FSTL4: variants seen among roughly 807,000 people sequenced by gnomAD.
The protein encoded by FSTL4 is follistatin like 4.
Under a neutral mutation model 78.2 loss-of-function variants are expected in FSTL4, and 28 were observed. The observed-to-expected ratio is 0.36, with a 90% CI of 0.27 to 0.49. The LOEUF is 0.49. Among genes scored for constraint, FSTL4 ranks in the 20% least tolerant of loss-of-function variants. The probability of loss-of-function intolerance (pLI) is 0.98; values close to 1 mark genes in which losing one functional copy is unlikely to be tolerated. For missense variants in FSTL4, 922 were observed against 1,084.9 expected (o/e 0.85, Z 2.11); for synonymous variants, 422 against 440.5 (o/e 0.96, Z 0.53).
At chr5:133,794,728 C>T in the FSTL4 span, among the ~76,000 whole-genome samples, 1 of 152,176 alleles carries the variant, frequency 6.6e-6, no homozygotes, top group Non-Finnish European at 1.5e-5. Flanking sequence ...AAGTACTTGC[C>T]TAATGACTGC....
At chr5:133,328,791 T>C (rs1754274532) in intron 4 of FSTL4, among the ~76,000 whole-genome samples, 1 of 151,864 alleles carries the variant, frequency 6.6e-6, no homozygotes, top group Non-Finnish European at 1.5e-5. Flanking sequence ...GATATGGGAG[T>C]GTGGGTGCCT....
the FSTL4 span, among the ~76,000 whole-genome samples, chr5:133,682,930 C>G: frequency 6.6e-6 from 1 of 151,970 alleles, no homozygotes; most frequent in African/African-American, 2.4e-5. Context: ...ACAGTTACCC[C>G]GCAAGATTTG....
the FSTL4 span, among the ~76,000 whole-genome samples, chr5:133,619,978 A>G: frequency 1.3e-5 from 2 of 152,214 alleles, no homozygotes; most frequent in Non-Finnish European, 2.9e-5. Context: ...CATTACAGAT[A>G]AGTTCCATTT....
At chr5:133,821,553 G>A in the FSTL4 span, among the ~76,000 whole-genome samples, 1 of 152,206 alleles carries the variant, frequency 6.6e-6, no homozygotes, top group African/African-American at 2.4e-5. Context: ...AGAAACAGTG[G>A]GAACAAGAGT....
At chr5:133,749,481 C>T in the FSTL4 span, among the ~76,000 whole-genome samples, 4 of 152,202 alleles carry the variant, frequency 2.6e-5, no homozygotes, top group Admixed American at 6.5e-5. Context: ...CATTTGCTCC[C>T]GCAGCTGAAC....
the FSTL4 span, among the ~76,000 whole-genome samples, chr5:133,731,241 C>CTG: frequency 6.6e-6 from 1 of 152,116 alleles, no homozygotes; most frequent in Non-Finnish European, 1.5e-5. Context: ...CCCATTCGTA[C>CTG]TGTGGTCTGG....
chr5:133,769,315 A>G, the FSTL4 span, among the ~76,000 whole-genome samples: 2 of 152,222 alleles, frequency 1.3e-5, no homozygotes, highest in African/African-American at 2.4e-5. Flanking sequence ...ATTTTCCAGA[A>G]TCATTTATAA....
intron 4 of FSTL4, among the ~76,000 whole-genome samples, chr5:133,354,582 G>A (rs1395876799): frequency 1.3e-5 from 2 of 152,194 alleles, no homozygotes; most frequent in African/African-American, 2.4e-5. Context: ...ATGAGACCAC[G>A]TAAGCTCCTT....
intron 3 of FSTL4, among the ~76,000 whole-genome samples, chr5:133,535,847 G>A (rs1160290706): frequency 2.0e-5 from 3 of 152,206 alleles, no homozygotes; most frequent in African/African-American, 7.2e-5. Context: ...TTCTTTGGTG[G>A]ACTGAAGGAA....
the FSTL4 span, among the ~76,000 whole-genome samples, chr5:133,652,591 C>T: frequency 6.6e-6 from 1 of 151,992 alleles, no homozygotes; most frequent in Non-Finnish European, 1.5e-5. Flanking sequence ...TTACTTTTTG[C>T]TTGCTTTAAT....
At chr5:133,466,949 C>T (rs555847128) in intron 3 of FSTL4, among the ~76,000 whole-genome samples, 21 of 143,330 alleles carry the variant, frequency 1.5e-4, no homozygotes, top group South Asian at 4.4e-4. Flanking sequence ...TGTGTGAGTA[C>T]GAGTGACTGT....
At chr5:133,709,391 G>C in the FSTL4 span, among the ~76,000 whole-genome samples, 3 of 152,238 alleles carry the variant, frequency 2.0e-5, no homozygotes, top group Non-Finnish European at 4.4e-5. Flanking sequence ...TAATACTTGA[G>C]AGATGTGCTC....
the FSTL4 span, among the ~76,000 whole-genome samples, chr5:133,641,280 ACGT>A: frequency 6.6e-6 from 1 of 151,956 alleles, no homozygotes; most frequent in East Asian, 1.9e-4. Flanking sequence ...AAAAAAAAAC[ACGT>A]ACTGATTCAT....
At chr5:133,362,866 C>A (rs770300269) in intron 4 of FSTL4, among the ~76,000 whole-genome samples, 1 of 152,196 alleles carries the variant, frequency 6.6e-6, no homozygotes, top group South Asian at 2.1e-4. Flanking sequence ...AATTACTATG[C>A]CTTTAACCTA....
At chr5:133,640,148 T>C in the FSTL4 span, among the ~76,000 whole-genome samples, 2 of 152,214 alleles carry the variant, frequency 1.3e-5, no homozygotes, top group African/African-American at 4.8e-5. Context: ...TTCACTCTGA[T>C]GATGCATGAA....
chr5:133,472,950 C>G (rs1197422448), intron 3 of FSTL4, among the ~76,000 whole-genome samples: 1 of 152,220 alleles, frequency 6.6e-6, no homozygotes, highest in East Asian at 1.9e-4. Flanking sequence ...TACTGTTCAC[C>G]TTGCCTGGAC....
rs190964819 is a variant in FSTL4, at chr5:133,338,410, G to T, written c.410-21758C>A. On this transcript the variant is annotated intron_variant, in intron 4 of 15. Coordinates refer to ENST00000265342, the MANE Select transcript of FSTL4 (RefSeq NM_015082.2). This position sits in a 1 kb window ranked among gnomAD's most constrained non-coding sequence, Gnocchi z 4.0. ...TCAGGCCCTTTTAAAGGTGGTCGTT[G>T]CTGAGAGTATTTGGCTGCTTCTCCT... is the stretch of plus-strand genomic sequence containing the variant. Among the ~76,000 whole-genome samples, 350 of 152,244 alleles carry T rather than the reference G, an allele frequency of 2.3e-3. 1 individual carries two copies. Among genetic ancestry groups the T allele is most frequent in the African/African-American group, 7.9e-3 (330 of 41,524 alleles).
the FSTL4 span, among the ~76,000 whole-genome samples, chr5:133,655,738 G>A: frequency 6.6e-6 from 1 of 152,116 alleles, no homozygotes. Flanking sequence ...GGAAGAGAGA[G>A]GAACAAAGCC....
chr5:133,714,606 A>C, the FSTL4 span, among the ~76,000 whole-genome samples: 1 of 152,294 alleles, frequency 6.6e-6, no homozygotes, highest in South Asian at 2.1e-4. Flanking sequence ...AGCTTCGTAA[A>C]ACTTCTGCCA....
Sources: gnomAD v4.1 joint callset for allele counts (sites outside exome capture counted in the v4.1 genomes callset) on GRCh38, gnomAD v4.1.1 for gene constraint, Gnocchi (gnomAD v3.1) non-coding constraint, MANE v1.5 for transcripts, NCBI Gene and HGNC (gene_info 2026-07-23, HGNC 2026-07-21) for gene names.